The following DSCAM variants were observed in gnomAD, a reference collection of about 807,000 sequenced individuals.
The protein encoded by DSCAM is DS cell adhesion molecule, also known as cell adhesion molecule DSCAM.
Under a neutral mutation model 217.7 loss-of-function variants are expected in DSCAM, and 47 were observed. The observed-to-expected ratio is 0.22, with a 90% CI of 0.17 to 0.28. The LOEUF is 0.28. Ranked by LOEUF, DSCAM falls within the 10% of genes least tolerant of loss-of-function variation. DSCAM has a pLI of 1.00. For synonymous variants in DSCAM, 1,056 were observed against 1,015.3 expected, an observed-to-expected ratio of 1.04 and a Z score of -0.76; for missense variants, 2,080 against 2,618.3, an observed-to-expected ratio of 0.79 and a Z score of 4.49.
intron 3 of DSCAM, among the ~76,000 whole-genome samples, chr21:40,585,734 C>T (rs1315261409): frequency 1.3e-5 from 2 of 152,060 alleles, no homozygotes; most frequent in Non-Finnish European, 2.9e-5. Context: ...GGAGTGGATC[C>T]CTCATGAATG....
intron 1 of DSCAM, among the ~76,000 whole-genome samples, chr21:40,732,896 GC>G (rs770640198): frequency 2.0e-5 from 3 of 152,292 alleles, no homozygotes; most frequent in Middle Eastern, 3.4e-3. Flanking sequence ...CAGAGTCTCT[GC>G]TTTTCTATGC....
chr21:40,415,790 TC>T (rs1192397996), intron 3 of DSCAM, among the ~76,000 whole-genome samples: 4 of 151,926 alleles, frequency 2.6e-5, no homozygotes, highest in Non-Finnish European at 5.9e-5. Context: ...ATACACTGCT[TC>T]CCCTCTCTAA....
At chr21:40,258,479 AAAAGT>A (rs776156436) in intron 11 of DSCAM, among the ~76,000 whole-genome samples, 2 of 152,220 alleles carry the variant, frequency 1.3e-5, no homozygotes, top group African/African-American at 2.4e-5. Flanking sequence ...TATCTGTGTA[AAAAGT>A]AAAGTAGAGG....
intron 3 of DSCAM, among the ~76,000 whole-genome samples, chr21:40,492,462 C>T (rs1303301593): frequency 6.6e-6 from 1 of 152,022 alleles, no homozygotes; most frequent in African/African-American, 2.4e-5. Flanking sequence ...CCTCAGAACT[C>T]TTCAAAAAAT....
chr21:40,293,384 T>A (rs1202786907), intron 10 of DSCAM, among the ~76,000 whole-genome samples: 1 of 152,100 alleles, frequency 6.6e-6, no homozygotes, highest in Non-Finnish European at 1.5e-5. Flanking sequence ...GGATGAAGAA[T>A]GCTGCTAGGA....
At chr21:40,062,676 C>A (rs1287316186) in intron 28 of DSCAM, among the ~76,000 whole-genome samples, 193 bp downstream of exon 28, 1 of 151,912 alleles carries the variant, frequency 6.6e-6, no homozygotes, top group Non-Finnish European at 1.5e-5. Context: ...TCTACAAATA[C>A]ATCATTTTCA....
chr21:40,250,462 T>C (rs530941785), intron 11 of DSCAM, among the ~76,000 whole-genome samples: 13 of 152,330 alleles, frequency 8.5e-5, no homozygotes, highest in African/African-American at 3.1e-4. Flanking sequence ...TCTTCTGTGG[T>C]TCTTTCATAA....
intron 15 of DSCAM, among the ~76,000 whole-genome samples, chr21:40,169,468 C>G (rs1200968011): frequency 6.6e-6 from 1 of 152,082 alleles, no homozygotes; most frequent in Non-Finnish European, 1.5e-5. Flanking sequence ...AGTCAGTGCT[C>G]TAAGATGCAG....
At chr21:40,666,386 C>G (rs117933748) in intron 3 of DSCAM, among the ~76,000 whole-genome samples, 1 of 152,128 alleles carries the variant, frequency 6.6e-6, no homozygotes, top group Non-Finnish European at 1.5e-5. Context: ...AACAGAAGGG[C>G]TAAATAACTT....
chr21:40,159,410 C>T (rs7275239), intron 16 of DSCAM, among the ~76,000 whole-genome samples: 125,026 of 152,088 alleles, frequency 0.82, 52,715 homozygotes, highest in Non-Finnish European at 0.91. Flanking sequence ...ACTCCCTGTA[C>T]GGATGGCATC....
intron 10 of DSCAM, among the ~76,000 whole-genome samples, chr21:40,286,570 G>A (rs1339809632): frequency 2.0e-5 from 3 of 152,204 alleles, no homozygotes; most frequent in South Asian, 2.1e-4. Flanking sequence ...TTTCCCAGAG[G>A]AAAAACAAAA....
At chr21:40,517,160 A>C (rs1022735099) in intron 3 of DSCAM, among the ~76,000 whole-genome samples, 16 of 148,606 alleles carry the variant, frequency 1.1e-4, no homozygotes, top group African/African-American at 3.9e-4. Context: ...ATATAAATAC[A>C]AATGTACCTA....
chr21:40,766,687 A>AAC (rs1183682729), intron 1 of DSCAM, among the ~76,000 whole-genome samples: 2 of 115,624 alleles, frequency 1.7e-5, no homozygotes, highest in African/African-American at 7.1e-5. Context: ...AAAAAAAAAA[A>AAC]ACAACTTTTT....
chr21:40,397,590 G>T (rs908438860), intron 3 of DSCAM, among the ~76,000 whole-genome samples: 1 of 152,000 alleles, frequency 6.6e-6, no homozygotes, highest in Non-Finnish European at 1.5e-5. Context: ...TTTCTTTATA[G>T]CAATTCAAGA....
chr21:40,769,721 G>C (rs1392023410), intron 1 of DSCAM, among the ~76,000 whole-genome samples: 1 of 152,158 alleles, frequency 6.6e-6, no homozygotes, highest in Non-Finnish European at 1.5e-5. Context: ...GCCTTCTCCA[G>C]TTTTAGCAAG....
At position 40,708,525 on chromosome 21, in the gene DSCAM, T is replaced by A; in HGVS notation, c.290A>T (p.Asp97Val). ...TTCAGCTGTGCAATAATAAGTATTA[T>A]CATGGATTAAGGTACTGAAGCTTGA... ...PPSSFSTLIH[D>V]NTYYCTAENP... is the part of the protein sequence containing the mutation. The change falls in exon 2 of 33, where the codon GAT (aspartate) becomes GTT (valine). Residue 97 changes from aspartate (D) to valine (V), a missense_variant. This residue lies in a region of DSCAM where 568 missense variants were observed against 678.1 expected (regional missense o/e 0.84). Coordinates refer to ENST00000400454, the MANE Select transcript of DSCAM (RefSeq NM_001389.5). The A allele has an allele frequency of 6.4e-7, 1 of 1,565,962 alleles. No individual in the cohort carries two copies. The highest frequency in any genetic ancestry group is 8.7e-7 in the Non-Finnish European group (1 of 1,154,440).
At chr21:40,109,887 C>T (rs182351722) in intron 20 of DSCAM, among the ~76,000 whole-genome samples, 125 of 152,282 alleles carry the variant, frequency 8.2e-4, no homozygotes, top group African/African-American at 2.4e-3. Flanking sequence ...CCCACCATTG[C>T]GGAGGCTTGA....
intron 20 of DSCAM, among the ~76,000 whole-genome samples, chr21:40,113,429 A>G (rs1377868140): frequency 6.6e-6 from 1 of 152,164 alleles, no homozygotes; most frequent in Non-Finnish European, 1.5e-5. Context: ...AATAAGAACT[A>G]TCTATGACAA....
chr21:40,032,258 A>C (rs865953311), intron 32 of DSCAM, among the ~76,000 whole-genome samples: 1 of 152,188 alleles, frequency 6.6e-6, no homozygotes, highest in East Asian at 1.9e-4. Flanking sequence ...GTGCTCCAAA[A>C]CCACTGCTAA....
Sources: allele counts gnomAD v4.1 joint callset (sites outside exome capture counted in the v4.1 genomes callset), GRCh38; gene constraint gnomAD v4.1.1; regional missense constraint gnomAD v4.1.1; transcripts MANE v1.5; gene names NCBI Gene and HGNC (gene_info 2026-07-23, HGNC 2026-07-21).